FAM193A: variants seen among roughly 807,000 people sequenced by gnomAD.
The protein encoded by FAM193A is protein FAM193A.
Under a neutral mutation model 126.5 loss-of-function variants are expected in FAM193A, and 22 were observed. The observed-to-expected ratio is 0.17, with a 90% confidence interval of 0.12 to 0.25. FAM193A has a LOEUF of 0.25. Ranked by LOEUF, FAM193A falls within the 10% of genes least tolerant of loss-of-function variation. The probability of loss-of-function intolerance (pLI) is 1.00; values close to 1 mark genes in which losing one functional copy is unlikely to be tolerated. For synonymous variants in FAM193A, 761 were observed against 646.8 expected, an observed-to-expected ratio of 1.18 and a Z score of -2.68; for missense variants, 1,675 against 1,672.8, an observed-to-expected ratio of 1.00 and a Z score of -0.02.
Position 2,699,782 on chromosome 4 carries a change from G to A in FAM193A, c.3610G>A (p.Glu1204Lys). ...RREEEEDEEE[E>K]EDRFKEEFQR... The stretch of plus-strand genomic sequence containing the variant: ...GGAGGAGGAGGAGGATGAGGAAGAA[G>A]AGGAGGATCGTTTCAAGGAGGAATT... Residue 1204 changes from glutamate to lysine, a missense_variant, in exon 19 of 21, where the codon GAG (glutamate) becomes AAG (lysine). Around this residue, in one of 4 missense-constraint regions of FAM193A, gnomAD observed 415 missense variants for 396.7 expected, o/e 1.05. Transcript: ENST00000637812. 1 of 1,613,960 alleles carries A rather than the reference G, an allele frequency of 6.2e-7. No homozygotes were observed. The highest frequency in any genetic ancestry group is 8.5e-7 in the Non-Finnish European group (1 of 1,179,936).
chr4:2,563,984 T>C (rs1476034859), intron 1 of FAM193A, among the ~76,000 whole-genome samples: 1 of 152,230 alleles, frequency 6.6e-6, no homozygotes, highest in East Asian at 1.9e-4. Flanking sequence ...TTCTTACTTT[T>C]ATTTCTGTAT....
intron 19 of FAM193A, chr4:2,715,490 A>G (rs1326759614): frequency 3.0e-6 from 3 of 986,560 alleles, no homozygotes; most frequent in Non-Finnish European, 1.2e-6. Flanking sequence ...TGGATGTCAT[A>G]TGGGTGAGAT....
At chr4:2,685,958 T>C (rs1377320140) in intron 13 of FAM193A, among the ~76,000 whole-genome samples, 1 of 152,244 alleles carries the variant, frequency 6.6e-6, no homozygotes, top group Non-Finnish European at 1.5e-5. Flanking sequence ...TGAAGCTTTG[T>C]GGGTTTGTAT....
chr4:2,653,023 C>T (rs766724265), intron 7 of FAM193A, among the ~76,000 whole-genome samples: 1 of 151,466 alleles, frequency 6.6e-6, no homozygotes, highest in Non-Finnish European at 1.5e-5. Context: ...CGGTGTCCTA[C>T]GTAGCATAAC....
intron 19 of FAM193A, among the ~76,000 whole-genome samples, chr4:2,710,212 T>TC (rs1309852457): frequency 7.0e-6 from 1 of 143,488 alleles, no homozygotes; most frequent in Non-Finnish European, 1.5e-5. Context: ...TCTCGCTCTG[T>TC]CCCCCAGGCT....
At chr4:2,555,767 A>G (rs1738217087) in intron 1 of FAM193A, among the ~76,000 whole-genome samples, 1 of 150,962 alleles carries the variant, frequency 6.6e-6, no homozygotes, top group Non-Finnish European at 1.5e-5. Context: ...ACAGGCGCCC[A>G]CCACCACACC....
chr4:2,606,584 C>G (rs148183532), intron 2 of FAM193A, among the ~76,000 whole-genome samples: 22 of 152,290 alleles, frequency 1.4e-4, no homozygotes, highest in African/African-American at 5.1e-4. Flanking sequence ...CTTTTCCCTA[C>G]ACTGTTATGT....
At chr4:2,597,209 C>G (rs1239434440) in intron 2 of FAM193A, among the ~76,000 whole-genome samples, 2 of 152,164 alleles carry the variant, frequency 1.3e-5, no homozygotes, top group African/African-American at 4.8e-5. Context: ...GTCCCGCTTT[C>G]CTGCTGTAAT....
At chr4:2,716,709 C>T (rs1049344324) in intron 20 of FAM193A, among the ~76,000 whole-genome samples, 4 of 152,240 alleles carry the variant, frequency 2.6e-5, no homozygotes, top group South Asian at 2.1e-4. Flanking sequence ...GGGAATCTCA[C>T]TCTATCACCC....
chr4:2,653,278 T>A (rs1356593967), intron 7 of FAM193A, among the ~76,000 whole-genome samples: 1 of 152,212 alleles, frequency 6.6e-6, no homozygotes, highest in East Asian at 1.9e-4. Flanking sequence ...GCTGTTGTTC[T>A]AGGGAAAATG....
chr4:2,557,787 C>T (rs1738347895), intron 1 of FAM193A, among the ~76,000 whole-genome samples: 1 of 151,868 alleles, frequency 6.6e-6, no homozygotes, highest in South Asian at 2.1e-4. Flanking sequence ...ACTGTCTCTA[C>T]TAAAAATACA....
At chr4:2,549,297 T>A (rs1267483710) in intron 1 of FAM193A, among the ~76,000 whole-genome samples, 2 of 151,886 alleles carry the variant, frequency 1.3e-5, no homozygotes, top group Admixed American at 1.3e-4. Flanking sequence ...AGTTTATCAA[T>A]TTTTTTCTGT....
intron 1 of FAM193A, among the ~76,000 whole-genome samples, chr4:2,589,231 A>T (rs1435300850): frequency 6.6e-6 from 1 of 152,254 alleles, no homozygotes; most frequent in South Asian, 2.1e-4. Context: ...TTATGTAACT[A>T]TAGTTCCAGC....
intron 2 of FAM193A, among the ~76,000 whole-genome samples, chr4:2,603,078 C>G (rs1210247814): frequency 3.4e-5 from 5 of 147,156 alleles, no homozygotes; most frequent in South Asian, 2.1e-4. Flanking sequence ...ACGCCATTCT[C>G]CTGCCTCAGC....
chr4:2,640,190 A>G (rs1744475143), intron 6 of FAM193A, among the ~76,000 whole-genome samples: 1 of 152,092 alleles, frequency 6.6e-6, no homozygotes, highest in Non-Finnish European at 1.5e-5. Context: ...GCTCTTGGAC[A>G]TGTAGGGGAA....
Position 2,646,715 on chromosome 4 carries a change from T to C in FAM193A, c.1194T>C (p.Ser398=). The change falls in exon 7 of 21, where the codon AGT becomes AGC. Residue 398 remains serine, a synonymous_variant. Coordinates refer to ENST00000637812, the MANE Select transcript of FAM193A (RefSeq NM_001366318.2). ...GAACCACCACACACGACACCTGCAG[T>C]GAGGACACATACAGTACCTTGCTGC... The part of the protein sequence containing the change: ...RLGTTTHDTC[S]EDTYSTLLQR... 2 of 1,612,490 alleles carry C rather than the reference T, an allele frequency of 1.2e-6. No homozygotes were observed. The highest frequency in any genetic ancestry group is 2.2e-5 in the South Asian group (2 of 90,846).
chr4:2,693,479 C>A, intron 15 of FAM193A, 107 bp from the exon 16 acceptor site: 1 of 1,042,780 alleles, frequency 9.6e-7, no homozygotes, highest in Non-Finnish European at 1.4e-6. Context: ...GAAGATGAAG[C>A]AAGGTGAAGG....
intron 7 of FAM193A, among the ~76,000 whole-genome samples, chr4:2,650,766 G>A (rs181082742): frequency 1.3e-5 from 2 of 152,236 alleles, no homozygotes; most frequent in Admixed American, 6.5e-5. Flanking sequence ...ATAGGACCCT[G>A]CCTACCTTTA....
Position 2,624,907 on chromosome 4 carries a change from G to T in FAM193A, c.502-355G>T, listed in dbSNP as rs546411079. Among the ~76,000 whole-genome samples, 72 of 152,294 alleles carry T rather than the reference G, an allele frequency of 4.7e-4. No individual in the cohort carries two copies. In the South Asian group the frequency reaches 0.012, roughly 26 times the overall value. Reference sequence around the variant, plus strand: ...CAATGTCTCTGTCACCCAGACAGGAGTGCAGTGGGGCATGATCACGGCTGA... The same window carrying T: ...CAATGTCTCTGTCACCCAGACAGGATTGCAGTGGGGCATGATCACGGCTGA... On this transcript the variant is annotated intron_variant, in intron 2 of 20. Transcript: ENST00000637812.
Sources: gnomAD v4.1 joint callset for allele counts (sites outside exome capture counted in the v4.1 genomes callset) on GRCh38, gnomAD v4.1.1 for gene constraint, gnomAD v4.1.1 regional missense constraint, MANE v1.5 for transcripts, NCBI Gene and HGNC (gene_info 2026-07-23, HGNC 2026-07-21) for gene names.